The following DOC2A variants were observed in gnomAD, a reference collection of about 807,000 sequenced individuals.
DOC2A encodes the protein double C2 domain alpha.
A neutral mutation model predicts 40.6 loss-of-function variants in DOC2A; 28 were observed. The observed-to-expected ratio is 0.69, with a 90% CI of 0.51 to 0.95. DOC2A has a LOEUF of 0.95. DOC2A is among the 40% of genes least tolerant of loss of function. The probability of loss-of-function intolerance (pLI) is 0.00; values close to 1 mark genes in which losing one functional copy is unlikely to be tolerated. For missense variants in DOC2A, 474 were observed against 552.5 expected, an observed-to-expected ratio of 0.86 and a Z score of 1.42; for synonymous variants, 241 against 236.9, an observed-to-expected ratio of 1.02 and a Z score of -0.16.
chr16:30,010,590 C>G lies in DOC2A; in HGVS notation c.-14+313G>C, dbSNP rs1257518954. On this transcript the variant is annotated intron_variant, in intron 1 of 10. Coordinates refer to ENST00000350119, the MANE Select transcript of DOC2A (RefSeq NM_003586.3). The surrounding 1 kb of genome is among the most constrained non-coding windows in gnomAD (Gnocchi z 4.2). Reference sequence around the variant, plus strand: ...CTGTCCCCCAAGGGGCCCTGCAGGGCCCCGCCTCTGTTTCTCGGAGGCTCT... The same window carrying G: ...CTGTCCCCCAAGGGGCCCTGCAGGGGCCCGCCTCTGTTTCTCGGAGGCTCT... 3.0e-6 allele frequency: 1 copy of G among 338,492 alleles called. No individual in the cohort carries two copies. The allele number at this position is 338,492 out of a possible 1,614,324, so 21.0% of individuals were successfully genotyped here. A position where few individuals can be genotyped will look rare whatever the true frequency, so the allele number is the denominator to read the frequency against.
rs1317462009 is a variant in DOC2A at position 30,005,590 on chromosome 16, C to T, written c.*596G>A. ...CAACCAGAAAAGGCGTAAACATGCACGGGTGTCCCCCAGGAGGGTGGCAGG... is the reference window on the plus strand; with the variant it reads ...CAACCAGAAAAGGCGTAAACATGCATGGGTGTCCCCCAGGAGGGTGGCAGG... On this transcript the variant is annotated 3_prime_UTR_variant, in exon 11 of 11. Coordinates refer to ENST00000350119, the MANE Select transcript of DOC2A (RefSeq NM_003586.3). 4.4e-5 allele frequency: 34 copies of T among 774,174 alleles called. No homozygotes were observed. The Admixed American group carries it at 8.4e-4, about 19-fold the overall frequency. 48.0% of individuals were successfully genotyped at this position (774,174 alleles called of 1,614,324 possible). A position where few individuals can be genotyped will look rare whatever the true frequency, so the allele number is the denominator to read the frequency against.
chr16:30,022,766 T>A (rs1596719392), upstream of DOC2A, among the ~76,000 whole-genome samples: 1 of 152,062 alleles, frequency 6.6e-6, no homozygotes, highest in Non-Finnish European at 1.5e-5. Flanking sequence ...TGAAACCCTG[T>A]CTCTACTAAA....
chr16:30,005,814 T>C lies in DOC2A; in HGVS notation c.*372A>G, dbSNP rs570218227. ...GGGTTTGTTTTTTGTCCTTTTTTTT[T>C]GAGACATTCTCCTCCTCTGAACCTC... On this transcript the variant is annotated 3_prime_UTR_variant, in exon 11 of 11. Transcript: ENST00000350119. 1.6e-5 allele frequency: 7 copies of C among 446,860 alleles called. No individual in the cohort carries two copies. The East Asian group carries it at 3.1e-4, about 20-fold the overall frequency. The allele number at this position is 446,860 out of a possible 1,614,324, so 27.7% of individuals were successfully genotyped here.
In DOC2A at chr16:30,007,270, C is replaced by G; in HGVS notation, c.557G>C (p.Ser186Thr). Residue 186 changes from serine (S) to threonine (T), a missense_variant, in exon 6 of 11, where the codon AGT becomes ACT. By Grantham distance (58) the Ser-to-Thr change is moderately conservative. Transcript: ENST00000350119. ...GATCTCCCCAATAAACTCATTGTGA[C>G]TCAGCTTGTCCTCATCACAGACGGC... Reference protein sequence around the residue: ...RIAVCDEDKLSHNEFIGEIRV... With the variant: ...RIAVCDEDKLTHNEFIGEIRV... 1 of 1,614,026 alleles carries G rather than the reference C, an allele frequency of 6.2e-7. No individual in the cohort carries two copies. The highest frequency in any genetic ancestry group is 8.5e-7 in the Non-Finnish European group (1 of 1,180,030).
upstream of DOC2A, chr16:30,012,815 A>AG (rs1272982139): frequency 1.7e-4 from 26 of 152,956 alleles, no homozygotes; most frequent in South Asian, 8.2e-4. Flanking sequence ...CAGGAGTTTG[A>AG]GACTAGCCTG....
At chr16:30,013,269 C>CTTT (rs760313011), upstream of DOC2A, among the ~76,000 whole-genome samples, 1 of 110,428 alleles carries the variant, frequency 9.1e-6, no homozygotes, top group Non-Finnish European at 1.9e-5. Context: ...TTTTTCTTTT[C>CTTT]TTTTTTTTTT....
Position 30,010,198 on chromosome 16 carries a change from TGCGATC to T in DOC2A, c.19_24del (p.Asp7_Arg8del), listed in dbSNP as rs1567283779. 3 of 1,613,962 alleles carry T rather than the reference TGCGATC, an allele frequency of 1.9e-6. No homozygotes were observed. Among genetic ancestry groups the T allele is most frequent in the Non-Finnish European group, 2.5e-6 (3 of 1,179,962 alleles). ...ATGTGCTCCTGGATGTTGATGGTCA[TGCGATC>T]GCCCCTGCGGCCCCTCATGCAGCAC... On this transcript the variant is annotated inframe_deletion, in exon 2 of 11. Coordinates refer to ENST00000350119, the MANE Select transcript of DOC2A (RefSeq NM_003586.3). The surrounding 1 kb of genome is among the most constrained non-coding windows in gnomAD (Gnocchi z 4.2).
upstream of DOC2A, among the ~76,000 whole-genome samples, chr16:30,021,921 C>T (rs1302083015): frequency 1.3e-5 from 2 of 151,882 alleles, no homozygotes; most frequent in African/African-American, 4.8e-5. Flanking sequence ...CCCTCTGTGC[C>T]GTGATTTCCT....
chr16:30,019,000 T>C (rs1411669228), intron 1 of DOC2A: 2 of 152,186 alleles, frequency 1.3e-5, no homozygotes, highest in African/African-American at 2.4e-5. Context: ...AGTGGATTGG[T>C]GGGGACTAAG....
chr16:30,005,910 G>T lies in DOC2A; in HGVS notation c.*276C>A. 1.9e-6 allele frequency: 1 copy of T among 535,224 alleles called. No homozygotes were observed. The highest frequency in any genetic ancestry group is 3.3e-5 in the East Asian group (1 of 30,592). 33.2% of individuals were successfully genotyped at this position (535,224 alleles called of 1,614,324 possible). A position where few individuals can be genotyped will look rare whatever the true frequency, so the allele number is the denominator to read the frequency against. On this transcript the variant is annotated 3_prime_UTR_variant, in exon 11 of 11. Coordinates refer to ENST00000350119, the MANE Select transcript of DOC2A (RefSeq NM_003586.3). The stretch of plus-strand genomic sequence containing the variant: ...GTGGAGAGGCAGGAGTGAGGAGCGC[G>T]GGGGCCTGGGGCCGGGCTCTGAGCA...
intron 1 of DOC2A, among the ~76,000 whole-genome samples, chr16:30,018,271 T>A (rs1240471785): frequency 7.1e-6 from 1 of 141,808 alleles, no homozygotes; most frequent in Non-Finnish European, 1.6e-5. Flanking sequence ...CAGAGTGAGA[T>A]GCTGTCTCAA....
intron 1 of DOC2A, among the ~76,000 whole-genome samples, chr16:30,018,118 A>C (rs1168345253): frequency 1.3e-5 from 2 of 149,884 alleles, no homozygotes; most frequent in African/African-American, 4.9e-5. Context: ...AAAAAAAAAA[A>C]AAAAAAAAAA....
chr16:30,016,462 G>C (rs1567288135), upstream of DOC2A, among the ~76,000 whole-genome samples: 1 of 152,230 alleles, frequency 6.6e-6, no homozygotes, highest in Non-Finnish European at 1.5e-5. Context: ...AGTTTAGCAA[G>C]AGGGTGTCCA....
At chr16:30,022,350 T>G (rs1452504047), upstream of DOC2A, among the ~76,000 whole-genome samples, 1 of 145,424 alleles carries the variant, frequency 6.9e-6, no homozygotes, top group Non-Finnish European at 1.5e-5. Context: ...ATAAATGGGG[T>G]CCAGCCAGCA....
rs753651850 is a variant in DOC2A, at chr16:30,007,255, A to G, written c.572T>C (p.Ile191Thr). 22 of 1,613,900 alleles carry G rather than the reference A, an allele frequency of 1.4e-5. No individual in the cohort carries two copies. Among genetic ancestry groups the G allele is most frequent in the African/African-American group, 5.3e-5 (4 of 74,930 alleles). The change falls in exon 6 of 11, where the codon ATT (isoleucine) becomes ACT (threonine). Residue 191 changes from isoleucine to threonine, a missense_variant. By Grantham distance (89) the Ile-to-Thr change is moderately conservative (BLOSUM62 -1). Transcript: ENST00000350119. ...DEDKLSHNEF[I>T]GEIRVPLRRL... ...GCGGAGGGGCACGCGGATCTCCCCAATAAACTCATTGTGACTCAGCTTGTC... is the reference window on the plus strand; with the variant it reads ...GCGGAGGGGCACGCGGATCTCCCCAGTAAACTCATTGTGACTCAGCTTGTC...
At position 30,005,651 on chromosome 16, in the gene DOC2A, C is replaced by T. The variant is rs944840895; in HGVS notation, c.*535G>A. The T allele has an allele frequency of 4.3e-5, 25 of 586,468 alleles. No homozygotes were observed. Among genetic ancestry groups the T allele is most frequent in the African/African-American group, 3.5e-4 (18 of 51,956 alleles). The allele number at this position is 586,468 out of a possible 1,614,324, so 36.3% of individuals were successfully genotyped here. A position where few individuals can be genotyped will look rare whatever the true frequency, so the allele number is the denominator to read the frequency against. ...TCAAACCCCGGCCCCCTCCAGGGGA[C>T]AGTTATTTAAACGAGTGGCCGGGAG... is the stretch of plus-strand genomic sequence containing the variant. On this transcript the variant is annotated 3_prime_UTR_variant, in exon 11 of 11. Coordinates refer to ENST00000350119, the MANE Select transcript of DOC2A (RefSeq NM_003586.3).
At chr16:30,014,591 C>A (rs2070836072), upstream of DOC2A, among the ~76,000 whole-genome samples, 1 of 149,210 alleles carries the variant, frequency 6.7e-6, no homozygotes, top group Non-Finnish European at 1.5e-5. Flanking sequence ...GCCGAGATTG[C>A]GCCACTGCAC....
rs1450365456 is a variant in DOC2A at position 30,009,109 on chromosome 16, G to A, written c.418-4C>T. 1 of 1,613,348 alleles carries A rather than the reference G, an allele frequency of 6.2e-7. No individual in the cohort carries two copies. The highest frequency in any genetic ancestry group is 1.3e-5 in the African/African-American group (1 of 74,892). On this transcript the variant is annotated splice_region_variant and splice_polypyrimidine_tract_variant and intron_variant, in intron 4 of 10. Transcript: ENST00000350119. The surrounding 1 kb of genome is among the most constrained non-coding windows in gnomAD (Gnocchi z 4.1). The stretch of plus-strand genomic sequence containing the variant: ...TCTTCGTTTTTAGCTTATTGGCCTG[G>A]GATGTGGGGATGAAAGGTTCTCAAT...
At position 30,006,952 on chromosome 16, in the gene DOC2A, C is replaced by T. The variant is rs80308730; in HGVS notation, c.715-4G>A. ...GCCCCTGCTCCGCCTGCTCCAACTG[C>T]GGGGCACAGACTCAGGGTCAGCCTG... On this transcript the variant is annotated splice_polypyrimidine_tract_variant and splice_region_variant and intron_variant, in intron 7 of 10. Coordinates refer to ENST00000350119, the MANE Select transcript of DOC2A (RefSeq NM_003586.3). This position sits in a 1 kb window ranked among gnomAD's most constrained non-coding sequence, Gnocchi z 6.2. The T allele has an allele frequency of 4.0e-3, 6,446 of 1,613,458 alleles. 227 individuals are homozygous for T. In the African/African-American group the frequency reaches 0.075, roughly 19 times the overall value.
Sources: allele counts gnomAD v4.1 joint callset (sites outside exome capture counted in the v4.1 genomes callset), GRCh38; gene constraint gnomAD v4.1.1; non-coding constraint Gnocchi (gnomAD v3.1); transcripts MANE v1.5; gene names NCBI Gene and HGNC (gene_info 2026-07-23, HGNC 2026-07-21).